ITGA3: variants seen among roughly 807,000 people sequenced by gnomAD.
ITGA3 encodes the protein integrin subunit alpha 3, also known as integrin alpha-3.
A neutral mutation model predicts 131.1 loss-of-function variants in ITGA3; 70 were observed. The ratio of observed to expected loss-of-function variants is 0.53; its 90% CI spans 0.44 to 0.65. ITGA3 has a LOEUF of 0.65. Ranked by LOEUF, ITGA3 falls within the 30% of genes least tolerant of loss-of-function variation. ITGA3 has a pLI of 0.00. For missense variants in ITGA3, 1,098 were observed against 1,388.6 expected (o/e 0.79, Z 3.33); for synonymous variants, 537 against 571.6 (o/e 0.94, Z 0.86).
chr17:50,074,025 G>T, intron 8 of ITGA3, 21 bp downstream of exon 8: 1 of 1,584,048 alleles, frequency 6.3e-7, no homozygotes, highest in South Asian at 1.1e-5. Flanking sequence ...ACGGGGATGG[G>T]TCTGCTGCCC....
chr17:50,057,282 C>G (rs537961507), intron 1 of ITGA3, among the ~76,000 whole-genome samples: 1 of 152,174 alleles, frequency 6.6e-6, no homozygotes, highest in Non-Finnish European at 1.5e-5. Context: ...CCTGCCCACC[C>G]GCAAGCAGTG....
chr17:50,075,747 G>C lies in ITGA3; in HGVS notation c.1674+12G>C. On this transcript the variant is annotated intron_variant, in intron 12 of 25. Transcript: ENST00000320031. ...AGCTGCTCCTGATGGTGAGGGAGGA[G>C]CAAGGGTCAGGATGAGGGCTCCCAG... 2.5e-6 allele frequency: 4 copies of C among 1,613,774 alleles called. No homozygotes were observed. Among genetic ancestry groups the C allele is most frequent in the Non-Finnish European group, 3.4e-6 (4 of 1,179,760 alleles).
Position 50,056,404 on chromosome 17 carries a change from C to A in ITGA3, c.-36C>A. 1 of 1,414,866 alleles carries A rather than the reference C, an allele frequency of 7.1e-7. No individual in the cohort carries two copies. The highest frequency in any genetic ancestry group is 9.2e-7 in the Non-Finnish European group (1 of 1,083,896). 87.6% of individuals were successfully genotyped at this position (1,414,866 alleles called of 1,614,324 possible). On this transcript the variant is annotated 5_prime_UTR_variant, in exon 1 of 26. Coordinates refer to ENST00000320031, the MANE Select transcript of ITGA3 (RefSeq NM_002204.4). The surrounding 1 kb of genome is among the most constrained non-coding windows in gnomAD (Gnocchi z 5.6). ...CCTCACGCCCAGCTCCGCGCCCTCA[C>A]GCGCTCTCGCCGGGACCCCGCTTCC...
At position 50,089,770 on chromosome 17, in the gene ITGA3, C is replaced by T. The variant is rs2144328999; in HGVS notation, c.*692C>T. The T allele has an allele frequency of 1.2e-5, 2 of 172,646 alleles. No individual in the cohort carries two copies. Among genetic ancestry groups the T allele is most frequent in the East Asian group, 3.0e-4 (2 of 6,572 alleles). The allele number at this position is 172,646 out of a possible 1,614,324, so 10.7% of individuals were successfully genotyped here. ...GGTGGGCCCCCAATGACACCCATGC[C>T]AGAGAGGTGGGGATCCTGCCTAAGG... On this transcript the variant is annotated 3_prime_UTR_variant, in exon 26 of 26. Coordinates refer to ENST00000320031, the MANE Select transcript of ITGA3 (RefSeq NM_002204.4).
chr17:50,076,543 G>T (rs746912976), intron 13 of ITGA3, 41 bp from the exon 14 acceptor site: 11 of 1,285,606 alleles, frequency 8.6e-6, no homozygotes, highest in East Asian at 4.9e-5. Flanking sequence ...GAGGGCACTG[G>T]GGGGGGTGGT....
intron 23 of ITGA3, among the ~76,000 whole-genome samples, chr17:50,084,729 G>A (rs1321699555): frequency 6.6e-6 from 1 of 152,100 alleles, no homozygotes; most frequent in Non-Finnish European, 1.5e-5. Flanking sequence ...AGGCTATCCT[G>A]GGTAACAAAG....
At chr17:50,063,957 G>T in intron 1 of ITGA3, 120 bp from the exon 2 acceptor site, 4 of 1,368,420 alleles carry the variant, frequency 2.9e-6, no homozygotes, top group Non-Finnish European at 4.0e-6. Context: ...CTTCTGGAGG[G>T]CAGGAGCTGG....
intron 22 of ITGA3, 127 bp from the exon 23 acceptor site, chr17:50,081,183 G>C (rs750794256): frequency 2.8e-5 from 17 of 617,476 alleles, no homozygotes; most frequent in Non-Finnish European, 2.4e-5. Flanking sequence ...CTGGCTGACA[G>C]ATCCTTTGGG....
Position 50,074,236 on chromosome 17 carries a change from A to G in ITGA3, c.1338A>G (p.Pro446=), listed in dbSNP as rs1433425573. The change falls in exon 9 of 26, where the codon CCA becomes CCG. Residue 446 remains proline (P), a synonymous_variant. Transcript: ENST00000320031. ...GQMDVDENFY[P]DLLVGSLSDH... is the part of the protein sequence containing the mutation. ...TGGATGTGGATGAGAACTTCTACCC[A>G]GACCTTCTAGTGGGAAGCCTGTCAG... is the stretch of plus-strand genomic sequence containing the variant. The G allele has an allele frequency of 1.2e-6, 2 of 1,614,086 alleles. No homozygotes were observed. Among genetic ancestry groups the G allele is most frequent in the African/African-American group, 2.7e-5 (2 of 74,946 alleles).
chr17:50,076,372 A>G lies in ITGA3; in HGVS notation c.1721A>G (p.Tyr574Cys). The G allele has an allele frequency of 1.2e-6, 2 of 1,613,178 alleles. No homozygotes were observed. The highest frequency in any genetic ancestry group is 1.7e-6 in the Non-Finnish European group (2 of 1,179,872). Residue 574 changes from tyrosine to cysteine, a missense_variant, in exon 13 of 26, where the codon TAC (tyrosine) becomes TGC (cysteine). Physicochemically the swap from Tyr to Cys is radical, Grantham distance 194. This residue lies in a region of ITGA3 where 699 missense variants were observed against 829.2 expected (regional missense o/e 0.84). Coordinates refer to ENST00000320031, the MANE Select transcript of ITGA3 (RefSeq NM_002204.4). ...KLRPIIISMN[Y>C]SLPLRMPDRP... ...CGCCCCATCATCATCTCCATGAACT[A>G]CTCTTTACCTTTGCGGATGCCCGAT...
In ITGA3 at chr17:50,075,517, C is replaced by T. The variant is rs1272508106; in HGVS notation, c.1528C>T (p.Arg510Ter). 8 of 1,614,112 alleles carry T rather than the reference C, an allele frequency of 5.0e-6. No homozygotes were observed. Among genetic ancestry groups the T allele is most frequent in the Non-Finnish European group, 6.8e-6 (8 of 1,180,054 alleles). The change falls in exon 11 of 26, where the codon CGA (arginine) becomes TGA (stop). Residue 510 changes from arginine to a stop codon, truncating the protein, a stop_gained. Transcript: ENST00000320031. LOFTEE classifies it high-confidence loss of function. ...GAGTGCCGGGAACCCCAACTACAGG[C>T]GAAACATCAGTGAGTGCTGGGGTGC... ...NQSAGNPNYR[R>*]NITLAYTLEA...
At position 50,078,084 on chromosome 17, in the gene ITGA3, C is replaced by T. The variant is rs746792136; in HGVS notation, c.2178C>T (p.Thr726=). 5.0e-6 allele frequency: 8 copies of T among 1,613,688 alleles called. No individual in the cohort carries two copies. The highest frequency in any genetic ancestry group is 1.3e-5 in the African/African-American group (1 of 75,022). ...TCGCCTTTGAGGTCATCGGGGTGAC[C>T]CTGCACACAAGGGACCTTCAGGTGC... ...LLIAFEVIGV[T]LHTRDLQVQL... is the part of the protein sequence containing the mutation. The change falls in exon 17 of 26, where the codon ACC becomes ACT. Residue 726 remains threonine (T), a synonymous_variant. Transcript: ENST00000320031.
chr17:50,084,979 G>A (rs941167227), intron 23 of ITGA3, among the ~76,000 whole-genome samples: 14 of 152,088 alleles, frequency 9.2e-5, no homozygotes, highest in Admixed American at 3.9e-4. Context: ...TTGGGAGGCC[G>A]AGGCGGGCAG....
chr17:50,076,919 C>T (rs1908934932), intron 14 of ITGA3, 55 bp from the exon 15 acceptor site: 2 of 1,562,988 alleles, frequency 1.3e-6, no homozygotes, highest in Admixed American at 1.8e-5. Flanking sequence ...CCTAGTTGAT[C>T]CGGGAGTGCC....
chr17:50,064,249 CA>C lies in ITGA3; in HGVS notation c.334+46del. ...GAGGGGTGCTGGGTCAGAGGTCTGGCAGGGGGGTACCGCAGAGAGAATGGCC... is the reference window on the plus strand; with the variant it reads ...GAGGGGTGCTGGGTCAGAGGTCTGGCGGGGGGTACCGCAGAGAGAATGGCC... On this transcript the variant is annotated intron_variant, in intron 2 of 25. Transcript: ENST00000320031. This position sits in a 1 kb window ranked among gnomAD's most constrained non-coding sequence, Gnocchi z 4.4. The C allele has an allele frequency of 1.3e-6, 2 of 1,573,144 alleles. No individual in the cohort carries two copies. The highest frequency in any genetic ancestry group is 1.7e-6 in the Non-Finnish European group (2 of 1,161,472).
intron 16 of ITGA3, 134 bp downstream of exon 16, chr17:50,077,581 G>A (rs1908975378): frequency 2.8e-6 from 2 of 708,978 alleles, no homozygotes; most frequent in East Asian, 2.5e-5. Context: ...CGGGAGGAGA[G>A]ACTCAGTAGA....
intron 4 of ITGA3, among the ~76,000 whole-genome samples, chr17:50,070,300 C>T (rs1908561406): frequency 6.6e-6 from 1 of 152,162 alleles, no homozygotes; most frequent in Non-Finnish European, 1.5e-5. Context: ...GTCAACTTCC[C>T]TCCTGAGCCT....
At chr17:50,077,592 G>C (rs1248348931) in intron 16 of ITGA3, 145 bp downstream of exon 16, 2 of 671,448 alleles carry the variant, frequency 3.0e-6, no homozygotes, top group East Asian at 5.2e-5. Flanking sequence ...ACTCAGTAGA[G>C]GGTGAGAAGA....
intron 20 of ITGA3, 79 bp downstream of exon 20, chr17:50,079,337 C>G (rs567188923): frequency 5.4e-5 from 85 of 1,564,034 alleles, no homozygotes; most frequent in Non-Finnish European, 6.9e-5. Flanking sequence ...TCCCCTCATA[C>G]CCCTTTGGCA....
Sources: allele counts gnomAD v4.1 joint callset (sites outside exome capture counted in the v4.1 genomes callset), GRCh38; gene constraint gnomAD v4.1.1; regional missense constraint gnomAD v4.1.1; non-coding constraint Gnocchi (gnomAD v3.1); transcripts MANE v1.5; gene names NCBI Gene and HGNC (gene_info 2026-07-23, HGNC 2026-07-21).